The following SLC8A1 variants were observed in gnomAD, a reference collection of about 807,000 sequenced individuals.
The protein encoded by SLC8A1 is sodium/calcium exchanger 1.
Under a neutral mutation model 68.3 loss-of-function variants are expected in SLC8A1, and 18 were observed. The ratio of observed to expected loss-of-function variants is 0.26; its 90% CI spans 0.18 to 0.39. SLC8A1 has a LOEUF of 0.39. SLC8A1 is among the 10% of genes least tolerant of loss of function. The pLI is 1.00. For missense variants in SLC8A1, 985 were observed against 1,156.7 expected, an observed-to-expected ratio of 0.85 and a Z score of 2.15; for synonymous variants, 475 against 415.5, an observed-to-expected ratio of 1.14 and a Z score of -1.74.
At chr2:40,253,296 A>ACG (rs1045415530) in intron 2 of SLC8A1, among the ~76,000 whole-genome samples, 3 of 144,938 alleles carry the variant, frequency 2.1e-5, no homozygotes, top group Non-Finnish European at 4.4e-5. Flanking sequence ...ATGTGTATAT[A>ACG]CACATATATA....
intron 1 of SLC8A1, among the ~76,000 whole-genome samples, chr2:40,507,958 TTTATCTA>T (rs1217892940): frequency 1.3e-5 from 2 of 152,132 alleles, no homozygotes; most frequent in East Asian, 3.8e-4. Context: ...TAGAATGTAT[TTTATCTA>T]TATAAGTGAA....
At chr2:40,375,132 G>A (rs1177268917) in intron 2 of SLC8A1, among the ~76,000 whole-genome samples, 1 of 152,012 alleles carries the variant, frequency 6.6e-6, no homozygotes, top group East Asian at 1.9e-4. Flanking sequence ...GCAGCTGATG[G>A]TGGTCACAAG....
At position 40,139,617 on chromosome 2, in the gene SLC8A1, C is replaced by T. The variant is rs565060338; in HGVS notation, c.2221G>A (p.Val741Met). 47 of 1,614,112 alleles carry T rather than the reference C, an allele frequency of 2.9e-5. 1 individual carries two copies. Among genetic ancestry groups the T allele is most frequent in the South Asian group, 2.7e-4 (25 of 91,078 alleles). ...CAGAACACAGTCAGAAAGTGCATCA[C>T]GTAATCGAAACAGGAGGGCAGCTTC... The change falls in exon 7 of 8, where the codon GTG becomes ATG. Residue 741 changes from valine (V) to methionine (M), a missense_variant. Transcript: ENST00000406785.
At chr2:40,368,532 A>C (rs1248634199) in intron 2 of SLC8A1, among the ~76,000 whole-genome samples, 1 of 152,022 alleles carries the variant, frequency 6.6e-6, no homozygotes, top group Non-Finnish European at 1.5e-5. Flanking sequence ...TACTGATTTT[A>C]TTTAAAAAAA....
At chr2:40,293,582 G>T (rs1233328417) in intron 2 of SLC8A1, among the ~76,000 whole-genome samples, 1 of 152,068 alleles carries the variant, frequency 6.6e-6, no homozygotes, top group Non-Finnish European at 1.5e-5. Context: ...TAATATGAGG[G>T]ACTTAATATC....
At chr2:40,504,791 C>A (rs1336758157) in intron 1 of SLC8A1, among the ~76,000 whole-genome samples, 2 of 151,578 alleles carry the variant, frequency 1.3e-5, no homozygotes, top group Non-Finnish European at 2.9e-5. Context: ...GGCTTTTACA[C>A]AACAGACAGG....
intron 1 of SLC8A1, among the ~76,000 whole-genome samples, chr2:40,476,971 G>A (rs1312587021): frequency 6.6e-6 from 1 of 152,140 alleles, no homozygotes; most frequent in Non-Finnish European, 1.5e-5. Context: ...GTAAATCAAT[G>A]AATAAGAGTT....
intron 7 of SLC8A1, among the ~76,000 whole-genome samples, chr2:40,116,642 G>C (rs2035476580): frequency 6.8e-6 from 1 of 147,654 alleles, no homozygotes; most frequent in South Asian, 2.3e-4. Flanking sequence ...ATGACAAGTA[G>C]TGGATGCAAT....
chr2:40,342,877 T>C (rs1048660591), intron 2 of SLC8A1, among the ~76,000 whole-genome samples: 10 of 152,176 alleles, frequency 6.6e-5, no homozygotes, highest in African/African-American at 2.4e-4. Flanking sequence ...TTCTTGATAC[T>C]GTGTTAAACG....
chr2:40,339,267 G>A (rs1575527924), intron 2 of SLC8A1, among the ~76,000 whole-genome samples: 1 of 152,320 alleles, frequency 6.6e-6, no homozygotes, highest in East Asian at 1.9e-4. Context: ...TCAGATCAGA[G>A]TATTCTGTTT....
chr2:40,362,941 T>TC (rs1349248994), intron 2 of SLC8A1, among the ~76,000 whole-genome samples: 1 of 152,094 alleles, frequency 6.6e-6, no homozygotes, highest in Non-Finnish European at 1.5e-5. Context: ...GCAATACAGT[T>TC]TATCTAGCCC....
chr2:40,167,841 G>A (rs2046803534), intron 4 of SLC8A1, among the ~76,000 whole-genome samples: 1 of 152,110 alleles, frequency 6.6e-6, no homozygotes. Flanking sequence ...TTCATAGACT[G>A]TTTTTAAATT....
At chr2:40,489,291 G>C (rs1705168934) in intron 1 of SLC8A1, among the ~76,000 whole-genome samples, 1 of 151,974 alleles carries the variant, frequency 6.6e-6, no homozygotes, top group Non-Finnish European at 1.5e-5. Context: ...CTCAAATTTT[G>C]CCAGGCTTAA....
intron 4 of SLC8A1, among the ~76,000 whole-genome samples, chr2:40,169,803 T>C (rs1459645556): frequency 6.6e-6 from 1 of 152,060 alleles, no homozygotes; most frequent in African/African-American, 2.4e-5. Context: ...TAGCTGGGCA[T>C]GGTGGTACAC....
chr2:40,175,348 A>G, intron 3 of SLC8A1, 67 bp from the exon 4 acceptor site: 3 of 1,507,440 alleles, frequency 2.0e-6, no homozygotes, highest in Non-Finnish European at 2.8e-6. Flanking sequence ...AGTAAGAGGA[A>G]TATCAGCAGA....
chr2:40,416,482 C>G (rs1693922268), intron 2 of SLC8A1, among the ~76,000 whole-genome samples: 1 of 152,120 alleles, frequency 6.6e-6, no homozygotes, highest in African/African-American at 2.4e-5. Context: ...ATATCATTTC[C>G]TCACACTTTA....
chr2:40,461,942 A>G (rs1360448564), intron 1 of SLC8A1, among the ~76,000 whole-genome samples: 2 of 150,930 alleles, frequency 1.3e-5, no homozygotes, highest in South Asian at 2.1e-4. Flanking sequence ...TATTTATAAA[A>G]TGGAAAGAAT....
At chr2:40,500,353 G>C (rs1705975579) in intron 1 of SLC8A1, among the ~76,000 whole-genome samples, 1 of 151,952 alleles carries the variant, frequency 6.6e-6, no homozygotes, top group African/African-American at 2.4e-5. Context: ...ATGGACAAAT[G>C]GCCTTGAGAA....
chr2:40,488,750 T>C (rs1220643061), intron 1 of SLC8A1, among the ~76,000 whole-genome samples: 2 of 152,148 alleles, frequency 1.3e-5, no homozygotes, highest in African/African-American at 2.4e-5. Flanking sequence ...GTTAATATTA[T>C]ATGCAATTTG....
Sources: gnomAD v4.1 joint callset for allele counts (sites outside exome capture counted in the v4.1 genomes callset) on GRCh38, gnomAD v4.1.1 for gene constraint, MANE v1.5 for transcripts, NCBI Gene and HGNC (gene_info 2026-07-23, HGNC 2026-07-21) for gene names.